The following ARPC2 variants were observed in gnomAD, a reference collection of about 807,000 sequenced individuals.
ARPC2 encodes the protein actin-related protein 2/3 complex subunit 2.
Under a neutral mutation model 38.6 loss-of-function variants are expected in ARPC2, and 4 were observed. The observed-to-expected ratio is 0.10, with a 90% CI of 0.05 to 0.24. The LOEUF (loss-of-function observed/expected upper bound fraction) is 0.24, where lower values mean the gene tolerates loss of function less well. Among genes scored for constraint, ARPC2 ranks in the 10% least tolerant of loss-of-function variants. The probability of loss-of-function intolerance (pLI) is 1.00; values close to 1 mark genes in which losing one functional copy is unlikely to be tolerated. For missense variants in ARPC2, 229 were observed against 387.3 expected (o/e 0.59, Z 3.43); for synonymous variants, 125 against 140.8 (o/e 0.89, Z 0.79).
chr2:218,235,203 C>T (rs1689741550), intron 5 of ARPC2: 1 of 245,706 alleles, frequency 4.1e-6, no homozygotes, highest in Non-Finnish European at 8.1e-6. Flanking sequence ...CAGACAGTCT[C>T]ATTCTGTTGC....
chr2:218,228,700 C>A (rs2106147110), intron 3 of ARPC2, 38 bp from the exon 4 acceptor site: 1 of 1,332,464 alleles, frequency 7.5e-7, no homozygotes, highest in South Asian at 1.2e-5. Context: ...ATTTCCCATT[C>A]CCAAATTGTT....
At chr2:218,243,564 G>A (rs55869299) in intron 7 of ARPC2, among the ~76,000 whole-genome samples, 3,531 of 152,276 alleles carry the variant, frequency 0.023, 113 homozygotes, top group African/African-American at 0.079. Flanking sequence ...GATCACTAGA[G>A]GCCAGTTTGA....
At chr2:218,223,523 A>G (rs1689430239) in intron 2 of ARPC2, among the ~76,000 whole-genome samples, 1 of 152,182 alleles carries the variant, frequency 6.6e-6, no homozygotes, top group African/African-American at 2.4e-5. Context: ...TGCTATCCAC[A>G]CTTTTATTTA....
intron 5 of ARPC2, chr2:218,234,817 A>G (rs1386819100): frequency 2.2e-6 from 1 of 458,660 alleles, no homozygotes; most frequent in Non-Finnish European, 4.4e-6. Flanking sequence ...TGTGATTTCA[A>G]GTAATAAAAA....
At chr2:218,219,300 A>G (rs532788071) in intron 2 of ARPC2, among the ~76,000 whole-genome samples, 9 of 151,610 alleles carry the variant, frequency 5.9e-5, no homozygotes, top group African/African-American at 1.9e-4. Context: ...GAAGCTAACC[A>G]TTTCGGAGGG....
At chr2:218,217,950 T>A (rs1689294060) in intron 2 of ARPC2, among the ~76,000 whole-genome samples, 1 of 151,182 alleles carries the variant, frequency 6.6e-6, no homozygotes. Flanking sequence ...TTGGAAGGAG[T>A]TTTCAGGAAT....
At chr2:218,222,844 A>G (rs1197375362) in intron 2 of ARPC2, among the ~76,000 whole-genome samples, 1 of 152,206 alleles carries the variant, frequency 6.6e-6, no homozygotes, top group African/African-American at 2.4e-5. Flanking sequence ...GTGGGGGTAG[A>G]TATTGAATAA....
chr2:218,219,359 CTT>C (rs397944295), intron 2 of ARPC2, among the ~76,000 whole-genome samples: 2 of 147,770 alleles, frequency 1.4e-5, no homozygotes, highest in Non-Finnish European at 1.5e-5. Flanking sequence ...ACTTCCAGGA[CTT>C]TTTTTTTTTT....
chr2:218,226,561 G>A (rs1210992477), intron 3 of ARPC2, among the ~76,000 whole-genome samples: 2 of 146,940 alleles, frequency 1.4e-5, no homozygotes, highest in Non-Finnish European at 1.5e-5. Context: ...CCCAGGAGGC[G>A]GAGCTTGCAG....
chr2:218,226,196 G>C (rs1352910076), intron 3 of ARPC2, among the ~76,000 whole-genome samples: 1 of 152,122 alleles, frequency 6.6e-6, no homozygotes, highest in South Asian at 2.1e-4. Context: ...GGAAGGCTGA[G>C]GCAGGAGAAT....
intron 3 of ARPC2, among the ~76,000 whole-genome samples, chr2:218,226,446 G>C (rs1689498901): frequency 2.0e-5 from 3 of 151,222 alleles, no homozygotes; most frequent in Non-Finnish European, 1.5e-5. Context: ...TGGCTAACAT[G>C]ATGAAACCCT....
At chr2:218,227,636 G>A (rs932554804) in intron 3 of ARPC2, among the ~76,000 whole-genome samples, 56 of 151,684 alleles carry the variant, frequency 3.7e-4, no homozygotes, top group African/African-American at 1.1e-3. Context: ...TGTCGCCCAG[G>A]CTGGAGTGCA....
intron 2 of ARPC2, among the ~76,000 whole-genome samples, chr2:218,224,060 T>C (rs1012313774): frequency 1.3e-5 from 2 of 152,198 alleles, no homozygotes; most frequent in Non-Finnish European, 2.9e-5. Flanking sequence ...CTTCTAGCCA[T>C]AAATAGTAAA....
intron 2 of ARPC2, 130 bp downstream of exon 2, chr2:218,217,674 A>G: frequency 2.0e-6 from 2 of 1,000,616 alleles, no homozygotes; most frequent in Non-Finnish European, 3.0e-6. Flanking sequence ...GGGCTGCCCC[A>G]GCGGGGTAGA....
At chr2:218,227,283 AGAGGG>A (rs1689522522) in intron 3 of ARPC2, among the ~76,000 whole-genome samples, 1 of 147,232 alleles carries the variant, frequency 6.8e-6, no homozygotes, top group Non-Finnish European at 1.5e-5. Context: ...GAACCGAAAA[AGAGGG>A]GAGTCCTATA....
chr2:218,227,277 C>T (rs368006752), intron 3 of ARPC2, among the ~76,000 whole-genome samples: 96 of 151,674 alleles, frequency 6.3e-4, no homozygotes, highest in Middle Eastern at 3.4e-3. Context: ...AAGATAGAAC[C>T]GAAAAAGAGG....
Position 218,225,907 on chromosome 2 carries a change from T to C in ARPC2, c.75-13T>C. 1 of 1,613,588 alleles carries C rather than the reference T, an allele frequency of 6.2e-7. No individual in the cohort carries two copies. Among genetic ancestry groups the C allele is most frequent in the Non-Finnish European group, 8.5e-7 (1 of 1,179,588 alleles). The stretch of plus-strand genomic sequence containing the variant: ...CAGTCATCTTAACTGAGGACCTTTT[T>C]TGTTGTTTACAGAAACAAACCGGAA... On this transcript the variant is annotated splice_polypyrimidine_tract_variant and intron_variant, in intron 2 of 10. Transcript: ENST00000315717.
At chr2:218,232,200 C>T (rs528062616) in intron 4 of ARPC2, among the ~76,000 whole-genome samples, 4 of 152,132 alleles carry the variant, frequency 2.6e-5, no homozygotes, top group South Asian at 4.1e-4. Flanking sequence ...GAGATCACGC[C>T]ACTGCACTCC....
At chr2:218,226,471 T>TA (rs1260500945) in intron 3 of ARPC2, among the ~76,000 whole-genome samples, 1 of 147,920 alleles carries the variant, frequency 6.8e-6, no homozygotes, top group Non-Finnish European at 1.5e-5. Flanking sequence ...GTACTAAAAA[T>TA]ACAAAAAATT....
Sources: allele counts gnomAD v4.1 joint callset (sites outside exome capture counted in the v4.1 genomes callset), GRCh38; gene constraint gnomAD v4.1.1; transcripts MANE v1.5; gene names NCBI Gene and HGNC (gene_info 2026-07-23, HGNC 2026-07-21).